Variants in PREB observed in about 807,000 individuals in gnomAD.
PREB encodes prolactin regulatory element binding.
Under a neutral mutation model 46.7 loss-of-function variants are expected in PREB, and 29 were observed. That is an observed-to-expected ratio of 0.62 (90% confidence interval 0.46 to 0.85). The LOEUF is 0.85. PREB is among the 40% of genes least tolerant of loss of function. The pLI is 0.00. For synonymous variants in PREB, 224 were observed against 220.1 expected (o/e 1.02, Z -0.16); for missense variants, 494 against 528.4 (o/e 0.93, Z 0.64).
Position 27,131,844 on chromosome 2 carries a change from G to T in PREB, c.1000-13C>A, listed in dbSNP as rs200678257. On this transcript the variant is annotated splice_polypyrimidine_tract_variant and intron_variant, in intron 7 of 8. Transcript: ENST00000260643. ...CGTAGTAGAGGCACTGTGGGCAGAAGGAATACCAGTGAGGAAAGGCCTAGC... is the reference window on the plus strand; with the variant it reads ...CGTAGTAGAGGCACTGTGGGCAGAATGAATACCAGTGAGGAAAGGCCTAGC... The T allele has an allele frequency of 1.2e-6, 2 of 1,613,160 alleles. No individual in the cohort carries two copies. Among genetic ancestry groups the T allele is most frequent in the Admixed American group, 1.7e-5 (1 of 59,876 alleles).
Position 27,132,333 on chromosome 2 carries a change from G to A in PREB, c.823C>T (p.Arg275Cys), listed in dbSNP as rs138980371. ...FTVQIPHKRLRQPPPCYLTAW... is the reference protein window; with the variant it reads ...FTVQIPHKRLCQPPPCYLTAW... Reference sequence around the variant, plus strand: ...GTGAGGTAGCAGGGAGGGGGCTGGCGCAGGCGCTTGTGGGGAATTTGCACT... The same window carrying A: ...GTGAGGTAGCAGGGAGGGGGCTGGCACAGGCGCTTGTGGGGAATTTGCACT... Residue 275 changes from arginine (R) to cysteine (C), a missense_variant, in exon 6 of 9, where the codon CGC becomes TGC. Coordinates refer to ENST00000260643, the MANE Select transcript of PREB (RefSeq NM_013388.6). The surrounding 1 kb of genome is among the most constrained non-coding windows in gnomAD (Gnocchi z 4.0). The A allele has an allele frequency of 2.1e-4, 335 of 1,613,936 alleles. No individual in the cohort carries two copies. The highest frequency in any genetic ancestry group is 2.5e-4 in the Non-Finnish European group (299 of 1,180,002).
In PREB at chr2:27,133,678, G is replaced by A. The variant is rs750905467; in HGVS notation, c.179C>T (p.Ser60Phe). Residue 60 changes from serine (S) to phenylalanine (F), a missense_variant, in exon 2 of 9, where the codon TCC (serine) becomes TTC (phenylalanine). By Grantham distance (155) the Ser-to-Phe change is radical (BLOSUM62 -2). Transcript: ENST00000260643. The part of the protein sequence containing the change: ...LELINGRLSA[S>F]LLHSHDTETR... ...CTCTGTGTCATGGGAGTGCAGCAAGGAGGCACTCAAGCGCCCATTAATCAG... is the reference window on the plus strand; with the variant it reads ...CTCTGTGTCATGGGAGTGCAGCAAGAAGGCACTCAAGCGCCCATTAATCAG... 2.5e-6 allele frequency: 4 copies of A among 1,614,090 alleles called. No homozygotes were observed. The African/African-American group carries it at 5.3e-5, about 22-fold the overall frequency.
chr2:27,131,714 C>G lies in PREB; in HGVS notation c.1117G>C (p.Ala373Pro). Residue 373 changes from alanine (A) to proline (P), a missense_variant, in exon 8 of 9, where the codon GCT (alanine) becomes CCT (proline). Transcript: ENST00000260643. Reference sequence around the variant, plus strand: ...TGCAGCTGGCAACGACTGTCCACAGCCACAGAGAACAGGGCAGTTTCATGG... The same window carrying G: ...TGCAGCTGGCAACGACTGTCCACAGGCACAGAGAACAGGGCAGTTTCATGG... ...GSHETALFSV[A>P]VDSRCQLHLL... is the part of the protein sequence containing the mutation. 1 of 1,614,186 alleles carries G rather than the reference C, an allele frequency of 6.2e-7. No individual in the cohort carries two copies.
At position 27,132,474 on chromosome 2, in the gene PREB, C is replaced by T; in HGVS notation, c.753-71G>A. 1 of 1,589,900 alleles carries T rather than the reference C, an allele frequency of 6.3e-7. No homozygotes were observed. The highest frequency in any genetic ancestry group is 8.6e-7 in the Non-Finnish European group (1 of 1,166,612). ...CCCTCCTCAGAGGTTTGTGCACCACCTGCACCCTGGTCAGACCTGGGGTAA... is the reference window on the plus strand; with the variant it reads ...CCCTCCTCAGAGGTTTGTGCACCACTTGCACCCTGGTCAGACCTGGGGTAA... On this transcript the variant is annotated intron_variant, in intron 5 of 8. Coordinates refer to ENST00000260643, the MANE Select transcript of PREB (RefSeq NM_013388.6). This position sits in a 1 kb window ranked among gnomAD's most constrained non-coding sequence, Gnocchi z 4.0.
At position 27,132,889 on chromosome 2, in the gene PREB, G is replaced by T. The variant is rs1347874023; in HGVS notation, c.581C>A (p.Ala194Asp). ...CAGGTCTTCAATCTCCCCTTCGTGG[G>T]CTTTGAACTCCAGAACCTTCTCCAG... is the stretch of plus-strand genomic sequence containing the variant. ...PSLEKVLEFK[A>D]HEGEIEDLAL... is the part of the protein sequence containing the mutation. Residue 194 changes from alanine (A) to aspartate (D), a missense_variant, in exon 4 of 9, where the codon GCC becomes GAC. Coordinates refer to ENST00000260643, the MANE Select transcript of PREB (RefSeq NM_013388.6). This position sits in a 1 kb window ranked among gnomAD's most constrained non-coding sequence, Gnocchi z 4.0. The T allele has an allele frequency of 8.7e-6, 14 of 1,613,926 alleles. No homozygotes were observed. The highest frequency in any genetic ancestry group is 1.2e-5 in the Non-Finnish European group (14 of 1,180,036).
Position 27,131,667 on chromosome 2 carries a change from C to T in PREB, c.1159+5G>A, listed in dbSNP as rs775600568. 2.5e-6 allele frequency: 4 copies of T among 1,613,526 alleles called. No homozygotes were observed. The highest frequency in any genetic ancestry group is 2.2e-5 in the South Asian group (2 of 91,040). On this transcript the variant is annotated splice_donor_5th_base_variant and intron_variant, in intron 8 of 8. Transcript: ENST00000260643. ...GTGCCTGCCTGCCCTGCCCCAATGA[C>T]TCACGCCGTGAGGGCAACAGATGCA... is the stretch of plus-strand genomic sequence containing the variant.
chr2:27,133,839 G>A, intron 1 of PREB, 118 bp from the exon 2 acceptor site: 3 of 1,058,104 alleles, frequency 2.8e-6, no homozygotes, highest in Non-Finnish European at 2.7e-6. Context: ...AGGGTTTCTC[G>A]AGTCTTTTTT....
chr2:27,134,217 A>G, intron 1 of PREB, 70 bp downstream of exon 1: 1 of 1,446,732 alleles, frequency 6.9e-7, no homozygotes, highest in Non-Finnish European at 9.1e-7. Context: ...CCGCCCCGCG[A>G]CCCCCCGGCC....
chr2:27,134,369 G>C lies in PREB; in HGVS notation c.53C>G (p.Ala18Gly). ...ELYRAPFPLYALQVDPSTGLL... is the reference protein window; with the variant it reads ...ELYRAPFPLYGLQVDPSTGLL... ...CCCAGTGCTGGGGTCGACCTGAAGC[G>C]CGTACAACGGGAACGGAGCCCGGTA... Residue 18 changes from alanine (A) to glycine (G), a missense_variant, in exon 1 of 9, where the codon GCG becomes GGG. Transcript: ENST00000260643. 2 of 1,610,840 alleles carry C rather than the reference G, an allele frequency of 1.2e-6. No homozygotes were observed. The highest frequency in any genetic ancestry group is 1.7e-6 in the Non-Finnish European group (2 of 1,179,342).
rs1672228898 is a variant in PREB at position 27,131,021 on chromosome 2, G to A, written c.*393C>T. The A allele has an allele frequency of 9.2e-6, 5 of 544,544 alleles. No individual in the cohort carries two copies. The highest frequency in any genetic ancestry group is 1.3e-5 in the Non-Finnish European group (4 of 304,236). 33.7% of individuals were successfully genotyped at this position (544,544 alleles called of 1,614,324 possible). A position where few individuals can be genotyped will look rare whatever the true frequency, so the allele number is the denominator to read the frequency against. The stretch of plus-strand genomic sequence containing the variant: ...AGGGGCTTCATGTGAAGAGGAACTG[G>A]CCACAAGGCTGAGGGGAGGAGGAGA... On this transcript the variant is annotated 3_prime_UTR_variant, in exon 9 of 9. Coordinates refer to ENST00000260643, the MANE Select transcript of PREB (RefSeq NM_013388.6).
rs752730699 is a variant in PREB at position 27,133,368 on chromosome 2, G to A, written c.326-31C>T. ...ACACAAACACTTGGCCAGGTTCCAG[G>A]CTTCTACAGTAAGGAGTACTGGCCC... On this transcript the variant is annotated intron_variant, in intron 2 of 8. Coordinates refer to ENST00000260643, the MANE Select transcript of PREB (RefSeq NM_013388.6). The A allele has an allele frequency of 3.1e-6, 5 of 1,612,426 alleles. No individual in the cohort carries two copies. The East Asian group carries it at 6.7e-5, about 22-fold the overall frequency.
rs576163412 is a variant in PREB at position 27,132,585 on chromosome 2, C to T, written c.752+18G>A. On this transcript the variant is annotated intron_variant, in intron 5 of 8. Transcript: ENST00000260643. The surrounding 1 kb of genome is among the most constrained non-coding windows in gnomAD (Gnocchi z 4.0). ...GCTGGGCTATGCCTCTTTCAGCCACCACCCAAAGTCTTCACACCTGCAGGC... is the reference window on the plus strand; with the variant it reads ...GCTGGGCTATGCCTCTTTCAGCCACTACCCAAAGTCTTCACACCTGCAGGC... The T allele has an allele frequency of 3.1e-6, 5 of 1,613,448 alleles. No homozygotes were observed. In the East Asian group the frequency reaches 8.9e-5, roughly 29 times the overall value.
In PREB at chr2:27,131,783, C is replaced by A; in HGVS notation, c.1048G>T (p.Ala350Ser). 6.2e-7 allele frequency: 1 copy of A among 1,614,142 alleles called. No individual in the cohort carries two copies. The highest frequency in any genetic ancestry group is 8.5e-7 in the Non-Finnish European group (1 of 1,179,988). ...EAHGIVVTDV[A>S]FLPEKGRGPE... ...CCACGACCCTTCTCAGGTAGAAAGG[C>A]CACATCCGTCACCACAATGCCATGG... The change falls in exon 8 of 9, where the codon GCC becomes TCC. Residue 350 changes from alanine to serine, a missense_variant. Physicochemically the swap from Ala to Ser is moderately conservative, Grantham distance 99. Transcript: ENST00000260643.
chr2:27,131,972 A>G (rs764102443), intron 7 of PREB, 38 bp downstream of exon 7: 5 of 1,602,474 alleles, frequency 3.1e-6, no homozygotes, highest in African/African-American at 2.7e-5. Context: ...ACAGGCCTAC[A>G]GTCCACCCAC....
chr2:27,131,861 AG>A, intron 7 of PREB, 30 bp from the exon 8 acceptor site: 1 of 1,610,228 alleles, frequency 6.2e-7, no homozygotes, highest in Non-Finnish European at 8.5e-7. Context: ...CAGTGAGGAA[AG>A]GCCTAGCTGG....
At position 27,133,655 on chromosome 2, in the gene PREB, C is replaced by G. The variant is rs368599879; in HGVS notation, c.202G>C (p.Glu68Gln). 6.2e-7 allele frequency: 1 copy of G among 1,614,104 alleles called. No homozygotes were observed. Among genetic ancestry groups the G allele is most frequent in the Non-Finnish European group, 8.5e-7 (1 of 1,180,044 alleles). The change falls in exon 2 of 9, where the codon GAG (glutamate) becomes CAG (glutamine). Residue 68 changes from glutamate (E) to glutamine (Q), a missense_variant. Glu to Gln is a conservative substitution (Grantham distance 29). Coordinates refer to ENST00000260643, the MANE Select transcript of PREB (RefSeq NM_013388.6). ...GCCAAGTTCATGGTGGCCCGTGTCT[C>G]TGTGTCATGGGAGTGCAGCAAGGAG... is the stretch of plus-strand genomic sequence containing the variant. ...SASLLHSHDT[E>Q]TRATMNLALA... is the part of the protein sequence containing the mutation.
At chr2:27,134,098 T>C (rs896579179) in intron 1 of PREB, 189 bp downstream of exon 1, 1 of 809,844 alleles carries the variant, frequency 1.2e-6, no homozygotes, top group Non-Finnish European at 1.9e-6. Flanking sequence ...CACTTTACCT[T>C]AAAAGCCTCT....
chr2:27,134,217 AC>A, intron 1 of PREB, 69 bp downstream of exon 1: 15 of 1,446,656 alleles, frequency 1.0e-5, no homozygotes, highest in Admixed American at 5.2e-5. Flanking sequence ...CCGCCCCGCG[AC>A]CCCCCGGCCA....
Position 27,133,314 on chromosome 2 carries a change from G to C in PREB, c.349C>G (p.Gln117Glu), listed in dbSNP as rs1158925964. The C allele has an allele frequency of 6.2e-7, 1 of 1,614,140 alleles. No homozygotes were observed. The highest frequency in any genetic ancestry group is 1.7e-5 in the Admixed American group (1 of 60,020). Reference sequence around the variant, plus strand: ...TCTGCTGGGGCTGCTCCCTTCCTTTGTCGAGGCCCCTGCTCCTTGGAACCT... The same window carrying C: ...TCTGCTGGGGCTGCTCCCTTCCTTTCTCGAGGCCCCTGCTCCTTGGAACCT... ...KAGSKEQGPR[Q>E]RKGAAPAEKK... Residue 117 changes from glutamine to glutamate, a missense_variant, in exon 3 of 9, where the codon CAA (glutamine) becomes GAA (glutamate). Transcript: ENST00000260643.
Sources: allele counts gnomAD v4.1 joint callset, GRCh38; gene constraint gnomAD v4.1.1; non-coding constraint Gnocchi (gnomAD v3.1); transcripts MANE v1.5; gene names NCBI Gene and HGNC (gene_info 2026-07-23, HGNC 2026-07-21).